The following MAP3K5 variants were observed in gnomAD, a reference collection of about 807,000 sequenced individuals.
MAP3K5 encodes the protein ASK-1.
Under a neutral mutation model 158.7 loss-of-function variants are expected in MAP3K5, and 56 were observed. The observed-to-expected ratio is 0.35, with a 90% CI of 0.28 to 0.44. MAP3K5 has a LOEUF of 0.44. Ranked by LOEUF, MAP3K5 falls within the 20% of genes least tolerant of loss-of-function variation. MAP3K5 has a pLI of 1.00. For synonymous variants in MAP3K5, 579 were observed against 601.7 expected (o/e 0.96, Z 0.55); for missense variants, 1,294 against 1,674.8 (o/e 0.77, Z 3.97).
intron 10 of MAP3K5, among the ~76,000 whole-genome samples, chr6:136,655,106 G>A (rs1754311180): frequency 6.6e-6 from 1 of 152,010 alleles, no homozygotes; most frequent in East Asian, 1.9e-4. Flanking sequence ...TATATTTATA[G>A]TATGACAGAC....
At position 136,567,873 on chromosome 6, in the gene MAP3K5, T is replaced by A; in HGVS notation, c.3519A>T (p.Glu1173Asp). The A allele has an allele frequency of 1.2e-6, 2 of 1,613,802 alleles. No individual in the cohort carries two copies. The highest frequency in any genetic ancestry group is 1.7e-6 in the Non-Finnish European group (2 of 1,179,944). Residue 1173 changes from glutamate to aspartate, a missense_variant and splice_region_variant, in exon 26 of 30, where the codon GAA becomes GAT. Coordinates refer to ENST00000359015, the MANE Select transcript of MAP3K5 (RefSeq NM_005923.4). ...VQTAITILVPELRPHFSLASE... is the reference protein window; with the variant it reads ...VQTAITILVPDLRPHFSLASE... ...ATGCAAGGCTGAAATGTGGCCTTAG[T>A]TCTGTTTGGCATAATATCAGTGGTA...
intron 11 of MAP3K5, among the ~76,000 whole-genome samples, chr6:136,645,163 C>T (rs1362240599): frequency 6.6e-6 from 1 of 152,034 alleles, no homozygotes; most frequent in Non-Finnish European, 1.5e-5. Context: ...GAACTCCTGG[C>T]CTCAAGCAAT....
At chr6:136,698,804 AT>A in intron 3 of MAP3K5, 122 bp from the exon 4 acceptor site, 1 of 671,126 alleles carries the variant, frequency 1.5e-6, no homozygotes, top group Non-Finnish European at 2.5e-6. Context: ...AAGCCTCATT[AT>A]TTATTTATGA....
At chr6:136,586,108 G>C (rs1237956205) in intron 23 of MAP3K5, among the ~76,000 whole-genome samples, 1 of 152,290 alleles carries the variant, frequency 6.6e-6, no homozygotes, top group Non-Finnish European at 1.5e-5. Flanking sequence ...AAGCTTGAAA[G>C]CTGTCATTAA....
intron 23 of MAP3K5, among the ~76,000 whole-genome samples, chr6:136,585,271 A>G (rs1466733097): frequency 6.7e-6 from 1 of 150,010 alleles, no homozygotes; most frequent in African/African-American, 2.4e-5. Flanking sequence ...GTGCCACCAC[A>G]CCCAGATAAT....
At chr6:136,743,838 T>C (rs1782818681) in intron 1 of MAP3K5, among the ~76,000 whole-genome samples, 1 of 152,130 alleles carries the variant, frequency 6.6e-6, no homozygotes, top group African/African-American at 2.4e-5. Context: ...AGACAGACAA[T>C]TCATTATTAT....
intron 3 of MAP3K5, among the ~76,000 whole-genome samples, chr6:136,701,917 G>A (rs1780870401): frequency 6.6e-6 from 1 of 152,116 alleles, no homozygotes; most frequent in Non-Finnish European, 1.5e-5. Flanking sequence ...TTGAAATACG[G>A]GGCAATGGGG....
intron 1 of MAP3K5, among the ~76,000 whole-genome samples, chr6:136,727,777 G>A (rs1481864649): frequency 6.6e-5 from 10 of 150,412 alleles, no homozygotes; most frequent in Non-Finnish European, 1.5e-5. Context: ...TGGCTAACAC[G>A]GTGAAACCCC....
At chr6:136,784,087 C>G in intron 1 of MAP3K5, among the ~76,000 whole-genome samples, 1 of 152,186 alleles carries the variant, frequency 6.6e-6, no homozygotes, top group East Asian at 1.9e-4. Context: ...GCCAAGGCCA[C>G]GGGTGAGACA....
intron 1 of MAP3K5, 82 bp from the exon 2 acceptor site, chr6:136,720,671 T>A: frequency 9.8e-7 from 1 of 1,018,486 alleles, no homozygotes; most frequent in Non-Finnish European, 1.4e-6. Flanking sequence ...ATTATCTTAG[T>A]ATTCAAAAGA....
chr6:136,700,030 C>T lies in MAP3K5; in HGVS notation c.613-1348G>A, dbSNP rs144543816. 6.1e-3 allele frequency among the ~76,000 whole-genome samples: 926 copies of T among 151,922 alleles called. 6 individuals are homozygous for T. Among genetic ancestry groups the T allele is most frequent in the African/African-American group, 0.021 (870 of 41,390 alleles). ...AATCACTTGTAGTGAGCCGAGATTG[C>T]GCCACTGCACTCCAGCCTGGGTGAC... On this transcript the variant is annotated intron_variant, in intron 3 of 29. Coordinates refer to ENST00000359015, the MANE Select transcript of MAP3K5 (RefSeq NM_005923.4).
intron 6 of MAP3K5, 50 bp from the exon 7 acceptor site, chr6:136,694,360 G>C (rs9376223): frequency 7.0e-7 from 1 of 1,422,468 alleles, no homozygotes; most frequent in Non-Finnish European, 9.6e-7. Context: ...AAGCAATATA[G>C]ATCAATTCTT....
rs374314580 is a variant in MAP3K5 at position 136,755,608 on chromosome 6, G to A, written c.449-35019C>T. Among the ~76,000 whole-genome samples, 28 of 149,336 alleles carry A rather than the reference G, an allele frequency of 1.9e-4. 1 individual carries two copies. The highest frequency in any genetic ancestry group is 9.4e-4 in the Admixed American group (14 of 14,868). ...GGCACACGCCTGTGGTCACAGCTAA[G>A]AGCCTGGGAGGTCAAGGCTGCAGTG... On this transcript the variant is annotated intron_variant, in intron 1 of 29. Coordinates refer to ENST00000359015, the MANE Select transcript of MAP3K5 (RefSeq NM_005923.4).
At chr6:136,625,369 T>G (rs1179820452) in intron 14 of MAP3K5, among the ~76,000 whole-genome samples, 2 of 152,222 alleles carry the variant, frequency 1.3e-5, no homozygotes, top group Non-Finnish European at 2.9e-5. Context: ...GGCTTGGGTC[T>G]TAATGCCCAG....
At chr6:136,788,592 T>TA (rs986077356) in intron 1 of MAP3K5, among the ~76,000 whole-genome samples, 2 of 152,106 alleles carry the variant, frequency 1.3e-5, no homozygotes, top group African/African-American at 4.8e-5. Context: ...AGGCGAAAGA[T>TA]ATGAACAGAC....
rs57535051 is a variant in MAP3K5, at chr6:136,658,313, C to CTTTTT, written c.1526+901_1526+905dup. 4.1e-3 allele frequency among the ~76,000 whole-genome samples: 375 copies of CTTTTT among 90,426 alleles called. 10 individuals are homozygous for CTTTTT. Among genetic ancestry groups the CTTTTT allele is most frequent in the African/African-American group, 0.015 (340 of 23,070 alleles). 59.3% of individuals were successfully genotyped at this position (90,426 alleles called of 152,430 possible). On this transcript the variant is annotated intron_variant, in intron 9 of 29. Transcript: ENST00000359015. The stretch of plus-strand genomic sequence containing the variant: ...TTTTCTTTTCTTTCTTTCTTTCTTT[C>CTTTTT]TTTTTTTTTTTTTTTTTTTGAGACA...
chr6:136,749,491 A>G (rs77467345), intron 1 of MAP3K5, among the ~76,000 whole-genome samples: 5,085 of 152,104 alleles, frequency 0.033, 270 homozygotes, highest in African/African-American at 0.12. Flanking sequence ...TATGACTCCA[A>G]TATCTCAGGA....
intron 26 of MAP3K5, among the ~76,000 whole-genome samples, chr6:136,563,154 C>G (rs1197155093): frequency 6.6e-6 from 1 of 152,166 alleles, no homozygotes; most frequent in Non-Finnish European, 1.5e-5. Flanking sequence ...AGAAGCTAAG[C>G]TTTGGAAGAC....
In MAP3K5 at chr6:136,573,638, G is replaced by A. The variant is rs1355207328; in HGVS notation, c.3518-5764C>T. Reference sequence around the variant, plus strand: ...AGGGCCTATGCAGAGTTCTGGGGGAGGGGAGCCTTGGCTTGATAGAGAAAG... The same window carrying A: ...AGGGCCTATGCAGAGTTCTGGGGGAAGGGAGCCTTGGCTTGATAGAGAAAG... On this transcript the variant is annotated intron_variant, in intron 25 of 29. Transcript: ENST00000359015. Among the ~76,000 whole-genome samples the A allele has an allele frequency of 2.6e-5, 4 of 152,192 alleles. No homozygotes were observed. The East Asian group carries it at 7.7e-4, about 29-fold the overall frequency.
Sources: allele counts gnomAD v4.1 joint callset (sites outside exome capture counted in the v4.1 genomes callset), GRCh38; gene constraint gnomAD v4.1.1; transcripts MANE v1.5; gene names NCBI Gene and HGNC (gene_info 2026-07-23, HGNC 2026-07-21).